Variants in SEZ6L observed in about 807,000 individuals in gnomAD.
SEZ6L encodes the protein seizure related 6 homolog like.
SEZ6L carries 37 observed loss-of-function variants against 106.2 expected under a neutral mutation model. The observed-to-expected ratio is 0.35, with a 90% CI of 0.27 to 0.46. The LOEUF (loss-of-function observed/expected upper bound fraction) is 0.46. Among genes scored for constraint, SEZ6L ranks in the 20% least tolerant of loss-of-function variants. The pLI, the probability that SEZ6L is intolerant of heterozygous loss-of-function variation, is 1.00. For synonymous variants in SEZ6L, 541 were observed against 570.4 expected, an observed-to-expected ratio of 0.95 and a Z score of 0.73; for missense variants, 1,172 against 1,332.8, an observed-to-expected ratio of 0.88 and a Z score of 1.88.
chr22:26,191,976 C>CTCCATCCATCCA (rs55983247), intron 1 of SEZ6L, among the ~76,000 whole-genome samples: 138 of 150,088 alleles, frequency 9.2e-4, no homozygotes, highest in Non-Finnish European at 1.5e-3. Context: ...AAGCAAGTCA[C>CTCCATCCATCCA]TCCATCCATC....
intron 1 of SEZ6L, among the ~76,000 whole-genome samples, chr22:26,230,581 C>T (rs2078769059): frequency 6.6e-6 from 1 of 152,166 alleles, no homozygotes; most frequent in African/African-American, 2.4e-5. Flanking sequence ...GCTAGATAAA[C>T]AGAAAGTGCT....
intron 1 of SEZ6L, among the ~76,000 whole-genome samples, chr22:26,189,883 G>C (rs1380636851): frequency 6.6e-6 from 1 of 152,102 alleles, no homozygotes; most frequent in African/African-American, 2.4e-5. Context: ...GGGTCACGAG[G>C]TCAGGAGATC....
At chr22:26,223,453 T>C (rs2078540781) in intron 1 of SEZ6L, among the ~76,000 whole-genome samples, 1 of 152,190 alleles carries the variant, frequency 6.6e-6, no homozygotes, top group South Asian at 2.1e-4. Context: ...TAGAGTAAAT[T>C]GGATTTCACA....
chr22:26,214,651 A>C (rs1602055345), intron 1 of SEZ6L, among the ~76,000 whole-genome samples: 1 of 152,338 alleles, frequency 6.6e-6, no homozygotes, highest in East Asian at 1.9e-4. Flanking sequence ...GACAGACAGC[A>C]ACACCTTGTT....
intron 1 of SEZ6L, among the ~76,000 whole-genome samples, chr22:26,170,600 C>A (rs1457082396): frequency 1.3e-5 from 2 of 152,062 alleles, no homozygotes; most frequent in African/African-American, 2.4e-5. Context: ...TCTCTCCACC[C>A]CGGTAAGGTA....
At chr22:26,232,585 C>G (rs1333632656) in intron 1 of SEZ6L, among the ~76,000 whole-genome samples, 4 of 152,114 alleles carry the variant, frequency 2.6e-5, no homozygotes, top group Non-Finnish European at 2.9e-5. Flanking sequence ...TTTCATGATC[C>G]GATACACAAA....
intron 11 of SEZ6L, among the ~76,000 whole-genome samples, chr22:26,349,259 T>G (rs1442931603): frequency 6.6e-6 from 1 of 152,178 alleles, no homozygotes; most frequent in Non-Finnish European, 1.5e-5. Context: ...GGCACAATGG[T>G]CTCCCCATAG....
chr22:26,308,587 A>G (rs372003364), intron 6 of SEZ6L, among the ~76,000 whole-genome samples: 6 of 152,266 alleles, frequency 3.9e-5, no homozygotes, highest in East Asian at 3.9e-4. Flanking sequence ...CATGTTTGGG[A>G]GACACTGCGC....
At chr22:26,330,917 AC>A (rs1463949989) in intron 9 of SEZ6L, among the ~76,000 whole-genome samples, 1 of 152,240 alleles carries the variant, frequency 6.6e-6, no homozygotes, top group African/African-American at 2.4e-5. Flanking sequence ...ATGTTTGCCT[AC>A]CTAAAATTGT....
At chr22:26,255,686 T>C (rs773616995) in intron 1 of SEZ6L, among the ~76,000 whole-genome samples, 2 of 152,206 alleles carry the variant, frequency 1.3e-5, no homozygotes, top group African/African-American at 4.8e-5. Context: ...GTCACCTCCA[T>C]GTCTACTTTC....
chr22:26,227,866 A>G (rs1464405934), intron 1 of SEZ6L, among the ~76,000 whole-genome samples: 1 of 152,190 alleles, frequency 6.6e-6, no homozygotes, highest in Non-Finnish European at 1.5e-5. Context: ...TGGGCTGCTC[A>G]CTTAGTGATG....
intron 1 of SEZ6L, among the ~76,000 whole-genome samples, chr22:26,171,211 A>C (rs1938583727): frequency 6.6e-6 from 1 of 152,178 alleles, no homozygotes; most frequent in South Asian, 2.1e-4. Context: ...TTATGGGGCA[A>C]TAATGTCCAC....
chr22:26,286,202 A>C (rs1159071742), intron 1 of SEZ6L, among the ~76,000 whole-genome samples: 2 of 152,210 alleles, frequency 1.3e-5, no homozygotes, highest in African/African-American at 4.8e-5. Flanking sequence ...CCATGAGGGA[A>C]TAATGATCAT....
At chr22:26,372,749 C>T (rs1484874488) in intron 13 of SEZ6L, among the ~76,000 whole-genome samples, 1 of 152,118 alleles carries the variant, frequency 6.6e-6, no homozygotes, top group Admixed American at 6.6e-5. Flanking sequence ...TGATGTTGAA[C>T]CTCCGGAGAA....
chr22:26,250,630 G>A (rs2079542465), intron 1 of SEZ6L, among the ~76,000 whole-genome samples: 1 of 152,148 alleles, frequency 6.6e-6, no homozygotes, highest in Non-Finnish European at 1.5e-5. Flanking sequence ...GCTCAGGATT[G>A]CTTTGGCTAT....
chr22:26,310,905 G>C (rs572646724), intron 7 of SEZ6L, 69 bp downstream of exon 7: 1 of 1,502,130 alleles, frequency 6.7e-7, no homozygotes. Context: ...GGAAAGCATG[G>C]GGAGATAGAA....
intron 1 of SEZ6L, among the ~76,000 whole-genome samples, chr22:26,272,508 C>T (rs771459922): frequency 6.6e-6 from 1 of 152,198 alleles, no homozygotes; most frequent in Non-Finnish European, 1.5e-5. Flanking sequence ...CAGGGGAAAA[C>T]TCAGACTGCA....
At position 26,298,953 on chromosome 22, in the gene SEZ6L, T is replaced by C. The variant is rs190328031; in HGVS notation, c.1163-31T>C. 2.4e-4 allele frequency: 370 copies of C among 1,520,968 alleles called. 2 individuals carry two copies. The African/African-American group carries it at 4.6e-3, about 19-fold the overall frequency. The allele number at this position is 1,520,968 out of a possible 1,614,324, so 94.2% of individuals were successfully genotyped here. On this transcript the variant is annotated intron_variant, in intron 4 of 16. Transcript: ENST00000248933. Reference sequence around the variant, plus strand: ...GTTCTTGATCTGCCACTCCAAGTGATGACTGAGTCTGCCTCTGCATTTCTT... The same window carrying C: ...GTTCTTGATCTGCCACTCCAAGTGACGACTGAGTCTGCCTCTGCATTTCTT...
At chr22:26,315,097 T>G (rs1327390085) in intron 9 of SEZ6L, among the ~76,000 whole-genome samples, 1 of 152,238 alleles carries the variant, frequency 6.6e-6, no homozygotes, top group Non-Finnish European at 1.5e-5. Flanking sequence ...CTCACAGTTC[T>G]CTGGCTCTAC....
Sources: allele counts gnomAD v4.1 joint callset (sites outside exome capture counted in the v4.1 genomes callset), GRCh38; gene constraint gnomAD v4.1.1; transcripts MANE v1.5; gene names NCBI Gene and HGNC (gene_info 2026-07-23, HGNC 2026-07-21).